FAT3: variants seen among roughly 807,000 people sequenced by gnomAD.
FAT3 encodes FAT atypical cadherin 3, also known as protocadherin Fat 3.
A neutral mutation model predicts 310.2 loss-of-function variants in FAT3; 95 were observed. That is an observed-to-expected ratio of 0.31 (90% CI 0.26 to 0.36). The LOEUF (loss-of-function observed/expected upper bound fraction) is 0.36. Ranked by LOEUF, FAT3 falls within the 10% of genes least tolerant of loss-of-function variation. The pLI, the probability that FAT3 is intolerant of heterozygous loss-of-function variation, is 1.00. For missense variants in FAT3, 5,408 were observed against 5,715.6 expected (o/e 0.95, Z 1.74); for synonymous variants, 2,314 against 2,192.9 (o/e 1.06, Z -1.54).
chr11:92,380,804 AGC>A (rs1353676817), intron 2 of FAT3, among the ~76,000 whole-genome samples: 5 of 152,182 alleles, frequency 3.3e-5, no homozygotes, highest in Non-Finnish European at 7.3e-5. Context: ...TATGTGAGTG[AGC>A]TTCTGATGGG....
chr11:92,643,867 T>G (rs1229058996), intron 3 of FAT3, among the ~76,000 whole-genome samples: 3 of 152,260 alleles, frequency 2.0e-5, no homozygotes, highest in Non-Finnish European at 4.4e-5. Flanking sequence ...GCCAATGTTT[T>G]GTTGACATCT....
At chr11:92,408,391 C>T (rs534771316) in intron 2 of FAT3, among the ~76,000 whole-genome samples, 3 of 152,086 alleles carry the variant, frequency 2.0e-5, no homozygotes, top group African/African-American at 4.8e-5. Flanking sequence ...GGGATAGCTT[C>T]GTGTTTGAAC....
chr11:92,499,834 A>G (rs1591371394), intron 2 of FAT3, among the ~76,000 whole-genome samples: 1 of 151,952 alleles, frequency 6.6e-6, no homozygotes, highest in East Asian at 1.9e-4. Context: ...TGGATACACA[A>G]GAAGTGTGAC....
intron 3 of FAT3, among the ~76,000 whole-genome samples, chr11:92,641,533 G>T (rs1457479961): frequency 6.6e-6 from 1 of 152,122 alleles, no homozygotes; most frequent in African/African-American, 2.4e-5. Context: ...GGTATTCCTT[G>T]GCTTGAGGCT....
chr11:92,465,441 GT>G, intron 2 of FAT3, among the ~76,000 whole-genome samples: 1 of 152,224 alleles, frequency 6.6e-6, no homozygotes, highest in South Asian at 2.1e-4. Context: ...AAGTGTTCCT[GT>G]TTCTCCACAT....
chr11:92,883,188 C>T lies in FAT3; in HGVS notation c.12732C>T (p.Asp4244=). Residue 4244 remains aspartate (D), a synonymous_variant, in exon 24 of 28, where the codon GAC becomes GAT. Transcript: ENST00000525166. The surrounding 1 kb of genome is among the most constrained non-coding windows in gnomAD (Gnocchi z 4.2). The stretch of plus-strand genomic sequence containing the variant: ...CCTACACACCCTGCTTCCAGAGTGA[C>T]TCCAGGAGCAACCTGGATAAGATCG... ...PMAYTPCFQS[D]SRSNLDKIVD... 6.2e-7 allele frequency: 1 copy of T among 1,613,484 alleles called. No homozygotes were observed. Among genetic ancestry groups the T allele is most frequent in the East Asian group, 2.2e-5 (1 of 44,866 alleles).
intron 1 of FAT3, among the ~76,000 whole-genome samples, chr11:92,290,873 C>T (rs1051876040): frequency 2.0e-5 from 3 of 151,924 alleles, no homozygotes; most frequent in African/African-American, 7.3e-5. Context: ...GCACACCAGC[C>T]ACTTGTAGCA....
At position 92,836,677 on chromosome 11, in the gene FAT3, G is replaced by C; in HGVS notation, c.10198G>C (p.Val3400Leu). 1 of 1,613,418 alleles carries C rather than the reference G, an allele frequency of 6.2e-7. No homozygotes were observed. Among genetic ancestry groups the C allele is most frequent in the Non-Finnish European group, 8.5e-7 (1 of 1,179,666 alleles). ...AGATCCTGTCTTGGGACTTGTGAAAGTTAAGAAGAAATTGGACCGGGAACG... is the reference window on the plus strand; with the variant it reads ...AGATCCTGTCTTGGGACTTGTGAAACTTAAGAAGAAATTGGACCGGGAACG... ...TVDPVLGLVK[V>L]KKKLDRERVS... Residue 3400 changes from valine (V) to leucine (L), a missense_variant, in exon 16 of 28, where the codon GTT becomes CTT. By Grantham distance (32) the Val-to-Leu change is conservative (BLOSUM62 1). Around this residue, in one of 5 missense-constraint regions of FAT3, gnomAD observed 4,588 missense variants for 4,809.8 expected, o/e 0.95. Coordinates refer to ENST00000525166, the MANE Select transcript of FAT3 (RefSeq NM_001367949.2).
chr11:92,872,930 C>T (rs1949426801), intron 22 of FAT3, among the ~76,000 whole-genome samples: 1 of 152,162 alleles, frequency 6.6e-6, no homozygotes, highest in Admixed American at 6.5e-5. Flanking sequence ...AACCTATCCA[C>T]CAGTTTTCTC....
chr11:92,698,050 A>G (rs889643778), intron 4 of FAT3, among the ~76,000 whole-genome samples: 1 of 152,212 alleles, frequency 6.6e-6, no homozygotes, highest in African/African-American at 2.4e-5. Context: ...TTCTTTAAGC[A>G]TCGAGTGTCT....
chr11:92,692,302 C>T (rs1032001594), intron 3 of FAT3, among the ~76,000 whole-genome samples: 1 of 152,106 alleles, frequency 6.6e-6, no homozygotes, highest in Non-Finnish European at 1.5e-5. Context: ...ATCCACATCA[C>T]CTTCATTCAG....
intron 6 of FAT3, among the ~76,000 whole-genome samples, chr11:92,766,097 C>T (rs1372034108): frequency 6.6e-6 from 1 of 152,102 alleles, no homozygotes; most frequent in Non-Finnish European, 1.5e-5. Context: ...CAGGATAGAC[C>T]CTGGGAGCCA....
At chr11:92,697,363 A>G (rs1406237902) in intron 3 of FAT3, 21 bp from the exon 4 acceptor site, 1 of 1,612,310 alleles carries the variant, frequency 6.2e-7, no homozygotes, top group South Asian at 1.1e-5. Context: ...TTAAAAGTCA[A>G]ATATTCTCAT....
intron 2 of FAT3, among the ~76,000 whole-genome samples, chr11:92,486,222 T>C (rs931180159): frequency 2.0e-5 from 3 of 146,986 alleles, no homozygotes; most frequent in Non-Finnish European, 4.5e-5. Context: ...AATTGTCCTT[T>C]AGGGGGCTTT....
At chr11:92,270,923 C>A (rs1946107675) in intron 1 of FAT3, among the ~76,000 whole-genome samples, 1 of 152,058 alleles carries the variant, frequency 6.6e-6, no homozygotes, top group African/African-American at 2.4e-5. Flanking sequence ...ATCAATTCCT[C>A]TCTTTCCCTC....
chr11:92,876,173 G>C (rs570558004), intron 22 of FAT3, among the ~76,000 whole-genome samples: 16 of 152,224 alleles, frequency 1.1e-4, no homozygotes, highest in African/African-American at 3.9e-4. Context: ...CCCCATTCCT[G>C]ACTTCCCTCC....
chr11:92,641,178 G>C (rs1941949604), intron 3 of FAT3, among the ~76,000 whole-genome samples: 1 of 152,128 alleles, frequency 6.6e-6, no homozygotes, highest in African/African-American at 2.4e-5. Flanking sequence ...ATGGATGACA[G>C]AGAGAGACCC....
intron 2 of FAT3, among the ~76,000 whole-genome samples, chr11:92,511,212 TCTTATTA>T (rs1162005155): frequency 6.6e-6 from 1 of 152,210 alleles, no homozygotes; most frequent in Admixed American, 6.5e-5. Context: ...AAGAAAATTG[TCTTATTA>T]CTTAGGATAA....
At chr11:92,308,821 C>T (rs943053327) in intron 1 of FAT3, among the ~76,000 whole-genome samples, 1 of 152,062 alleles carries the variant, frequency 6.6e-6, no homozygotes, top group African/African-American at 2.4e-5. Context: ...CTCTGCCCCA[C>T]CCTCCCAATT....
Sources: gnomAD v4.1 joint callset for allele counts (sites outside exome capture counted in the v4.1 genomes callset) on GRCh38, gnomAD v4.1.1 for gene constraint, gnomAD v4.1.1 regional missense constraint, Gnocchi (gnomAD v3.1) non-coding constraint, MANE v1.5 for transcripts, NCBI Gene and HGNC (gene_info 2026-07-23, HGNC 2026-07-21) for gene names.